Variants in DYDC1 observed in about 807,000 individuals in gnomAD.
DYDC1 encodes DPY30 domain containing 1.
Under a neutral mutation model 27.9 loss-of-function variants are expected in DYDC1, and 21 were observed. The ratio of observed to expected loss-of-function variants is 0.75; its 90% CI spans 0.53 to 1.08. The LOEUF (loss-of-function observed/expected upper bound fraction) is 1.08. DYDC1 is among the 50% of genes least tolerant of loss of function. The pLI is 0.00. For synonymous variants in DYDC1, 67 were observed against 65.8 expected, an observed-to-expected ratio of 1.02 and a Z score of -0.09; for missense variants, 202 against 205.9, an observed-to-expected ratio of 0.98 and a Z score of 0.12.
intron 1 of DYDC1, among the ~76,000 whole-genome samples, chr10:80,354,872 C>A (rs61859198): frequency 0.099 from 15,062 of 152,052 alleles, 1,012 homozygotes; most frequent in South Asian, 0.28. Context: ...TTTAAGCCAC[C>A]CAGTGTTGGT....
At chr10:80,344,371 G>C (rs536689484) in intron 3 of DYDC1, among the ~76,000 whole-genome samples, 7 of 152,252 alleles carry the variant, frequency 4.6e-5, no homozygotes, top group Non-Finnish European at 8.8e-5. Context: ...GTTGACACTG[G>C]GAGCAACATC....
intron 1 of DYDC1, among the ~76,000 whole-genome samples, chr10:80,355,973 T>C (rs1018611669): frequency 6.8e-6 from 1 of 147,940 alleles, no homozygotes; most frequent in Non-Finnish European, 1.5e-5. Flanking sequence ...CTCAAAGTCA[T>C]TTGAAGTGAA....
chr10:80,353,217 T>G (rs1023320416), intron 1 of DYDC1, among the ~76,000 whole-genome samples: 1 of 151,978 alleles, frequency 6.6e-6, no homozygotes, highest in African/African-American at 2.4e-5. Flanking sequence ...TAATAACATA[T>G]GAAGCTCCTC....
At chr10:80,355,160 G>T (rs1843283816) in intron 1 of DYDC1, among the ~76,000 whole-genome samples, 1 of 151,746 alleles carries the variant, frequency 6.6e-6, no homozygotes, top group Admixed American at 6.6e-5. Flanking sequence ...ATGAGGAAAG[G>T]CCCTGATATA....
In DYDC1 at chr10:80,340,685, A is replaced by C. The variant is rs1235253165; in HGVS notation, c.343-1532T>G. On this transcript the variant is annotated intron_variant, in intron 4 of 6. Transcript: ENST00000372202. ...CAGTTTAGATCCGTGAATCTTTTTC[A>C]AAATTTCTTTAATTTTTAATTTTTA... Among the ~76,000 whole-genome samples the C allele has an allele frequency of 3.9e-5, 6 of 152,170 alleles. No homozygotes were observed. The South Asian group carries it at 8.3e-4, about 21-fold the overall frequency.
At chr10:80,346,254 T>G (rs1271552572) in intron 3 of DYDC1, among the ~76,000 whole-genome samples, 1 of 152,174 alleles carries the variant, frequency 6.6e-6, no homozygotes, top group Non-Finnish European at 1.5e-5. Flanking sequence ...GTAGTCTCTA[T>G]AAGGTGCTGG....
At chr10:80,337,107 G>T (rs1456531473) in intron 6 of DYDC1, 2 of 983,884 alleles carry the variant, frequency 2.0e-6, no homozygotes, top group East Asian at 2.3e-4. Flanking sequence ...AATACTGGAT[G>T]ACTTCAGTCC....
chr10:80,347,008 G>A (rs1842683145), intron 3 of DYDC1, among the ~76,000 whole-genome samples: 1 of 151,812 alleles, frequency 6.6e-6, no homozygotes, highest in Non-Finnish European at 1.5e-5. Flanking sequence ...TGAACCCAGG[G>A]AGCAGAGGTT....
At chr10:80,341,148 T>C (rs1842303885) in intron 4 of DYDC1, among the ~76,000 whole-genome samples, 2 of 152,264 alleles carry the variant, frequency 1.3e-5, no homozygotes, top group Admixed American at 1.3e-4. Context: ...ATAGTAGCTA[T>C]AAACTCAGTC....
At chr10:80,342,409 T>C in intron 3 of DYDC1, 48 bp from the exon 4 acceptor site, 6 of 1,580,344 alleles carry the variant, frequency 3.8e-6, no homozygotes, top group African/African-American at 1.3e-5. Context: ...AATTGCAAGA[T>C]AATTAAGTTT....
intron 3 of DYDC1, among the ~76,000 whole-genome samples, chr10:80,348,955 G>A (rs993302075): frequency 1.3e-5 from 2 of 152,074 alleles, no homozygotes; most frequent in African/African-American, 4.8e-5. Context: ...GCAGTGGCGC[G>A]ATCTCGGCTC....
chr10:80,342,980 C>CAAAAAAAAAAAA (rs55665661), intron 3 of DYDC1, among the ~76,000 whole-genome samples: 5 of 93,902 alleles, frequency 5.3e-5, no homozygotes, highest in Non-Finnish European at 8.5e-5. Context: ...GACTCCCTCT[C>CAAAAAAAAAAAA]AAAAAAAAAA....
chr10:80,337,073 C>A (rs1055541948), intron 6 of DYDC1: 4 of 962,200 alleles, frequency 4.2e-6, no homozygotes, highest in Non-Finnish European at 4.9e-6. Flanking sequence ...CACCATTTTC[C>A]TAGCTCCATG....
intron 1 of DYDC1, chr10:80,356,447 C>A (rs1002099325): frequency 3.0e-6 from 3 of 985,344 alleles, no homozygotes; most frequent in Non-Finnish European, 3.6e-6. Flanking sequence ...GGCAACCTCC[C>A]GGGGCGCTCA....
chr10:80,343,610 A>G (rs1266079748), intron 3 of DYDC1, among the ~76,000 whole-genome samples: 1 of 152,076 alleles, frequency 6.6e-6, no homozygotes, highest in Non-Finnish European at 1.5e-5. Flanking sequence ...CCATCTCTAA[A>G]CAAAATTTTG....
At chr10:80,350,881 C>A (rs1346661302) in intron 3 of DYDC1, among the ~76,000 whole-genome samples, 1 of 152,120 alleles carries the variant, frequency 6.6e-6, no homozygotes, top group Non-Finnish European at 1.5e-5. Context: ...TCAACAATTC[C>A]CTTACCAATA....
chr10:80,353,351 A>G (rs992258985), intron 1 of DYDC1, among the ~76,000 whole-genome samples: 8 of 151,500 alleles, frequency 5.3e-5, no homozygotes, highest in Admixed American at 6.6e-5. Context: ...TTTAGTAGAG[A>G]CAGGGTTTCA....
At chr10:80,336,272 T>C in intron 6 of DYDC1, 87 bp from the exon 7 acceptor site, 1 of 1,455,194 alleles carries the variant, frequency 6.9e-7, no homozygotes. Flanking sequence ...TTAGGTAACT[T>C]CTATGTGACT....
intron 3 of DYDC1, among the ~76,000 whole-genome samples, chr10:80,350,385 T>C (rs1015433033): frequency 6.6e-6 from 1 of 152,188 alleles, no homozygotes; most frequent in African/African-American, 2.4e-5. Context: ...TTATTTTTGA[T>C]AGACAGGAAC....
Sources: gnomAD v4.1 joint callset for allele counts (sites outside exome capture counted in the v4.1 genomes callset) on GRCh38, gnomAD v4.1.1 for gene constraint, MANE v1.5 for transcripts, NCBI Gene and HGNC (gene_info 2026-07-23, HGNC 2026-07-21) for gene names.